Variants in KCTD9 observed in about 807,000 individuals in gnomAD.
The protein encoded by KCTD9 is potassium channel tetramerization domain containing 9, also known as BTB/POZ domain-containing protein KCTD9.
KCTD9 carries 17 observed loss-of-function variants against 53.3 expected under a neutral mutation model. The ratio of observed to expected loss-of-function variants is 0.32; its 90% CI spans 0.22 to 0.48. The LOEUF (loss-of-function observed/expected upper bound fraction) is 0.48. Among genes scored for constraint, KCTD9 ranks in the 20% least tolerant of loss-of-function variants. The pLI is 0.99. For synonymous variants in KCTD9, 128 were observed against 162.7 expected (o/e 0.79, Z 1.62); for missense variants, 179 against 465.5 (o/e 0.38, Z 5.66).
chr8:25,456,214 G>A (rs761385696), intron 1 of KCTD9, among the ~76,000 whole-genome samples: 1 of 152,188 alleles, frequency 6.6e-6, no homozygotes, highest in Non-Finnish European at 1.5e-5. Flanking sequence ...TTATAACCAG[G>A]AAACAAAAGC....
chr8:25,433,322 G>A lies in KCTD9; in HGVS notation c.919+8C>T, dbSNP rs2117389094. On this transcript the variant is annotated splice_region_variant and intron_variant, in intron 10 of 11. Coordinates refer to ENST00000221200, the MANE Select transcript of KCTD9 (RefSeq NM_017634.4). ...TCGTAGAATAGGTATTTACAGAAAG[G>A]ATCTCACCTTCTAAATTGGCTTTAA... 1 of 1,488,578 alleles carries A rather than the reference G, an allele frequency of 6.7e-7. No individual in the cohort carries two copies. Among genetic ancestry groups the A allele is most frequent in the East Asian group, 2.3e-5 (1 of 44,086 alleles). 92.2% of individuals were successfully genotyped at this position (1,488,578 alleles called of 1,614,324 possible).
At chr8:25,452,286 T>C (rs866502071) in intron 1 of KCTD9, among the ~76,000 whole-genome samples, 1 of 152,152 alleles carries the variant, frequency 6.6e-6, no homozygotes, top group Non-Finnish European at 1.5e-5. Flanking sequence ...ACTGGTAATA[T>C]CAAGTGTTGG....
intron 5 of KCTD9, 66 bp downstream of exon 5, chr8:25,439,538 GGA>G: frequency 6.3e-7 from 1 of 1,587,960 alleles, no homozygotes; most frequent in Non-Finnish European, 8.6e-7. Context: ...CAGAAGGTCA[GGA>G]GTTATAAAGT....
intron 3 of KCTD9, among the ~76,000 whole-genome samples, chr8:25,442,769 A>C (rs1253077333): frequency 2.0e-5 from 3 of 152,212 alleles, no homozygotes; most frequent in Non-Finnish European, 4.4e-5. Context: ...TTTTTAAGTA[A>C]GGGGAGAAGG....
intron 3 of KCTD9, 143 bp downstream of exon 3, chr8:25,444,149 G>A (rs1802172174): frequency 9.5e-6 from 7 of 734,756 alleles, no homozygotes; most frequent in Non-Finnish European, 1.6e-5. Flanking sequence ...CATACCCAAT[G>A]CAGAATCAAA....
rs555529365 is a variant in KCTD9, at chr8:25,456,074, C to T, written c.48+2125G>A. ...CAATACACAGACAATTCCTGGCGAG[C>T]ATATAACACAGCACCTTGGAAGAAT... On this transcript the variant is annotated intron_variant, in intron 1 of 11. Coordinates refer to ENST00000221200, the MANE Select transcript of KCTD9 (RefSeq NM_017634.4). 2.0e-5 allele frequency among the ~76,000 whole-genome samples: 3 copies of T among 152,286 alleles called. No individual in the cohort carries two copies. In the East Asian group the frequency reaches 5.8e-4, roughly 29 times the overall value.
intron 4 of KCTD9, among the ~76,000 whole-genome samples, chr8:25,440,365 T>C (rs1383069136): frequency 2.6e-5 from 4 of 152,210 alleles, no homozygotes; most frequent in Admixed American, 6.5e-5. Flanking sequence ...GCCAAAAGCA[T>C]GTTCTAAAAC....
At chr8:25,451,305 C>T (rs976995383) in intron 1 of KCTD9, among the ~76,000 whole-genome samples, 1 of 152,160 alleles carries the variant, frequency 6.6e-6, no homozygotes, top group African/African-American at 2.4e-5. Flanking sequence ...TGCAAACAGA[C>T]TGGCACATGC....
At chr8:25,445,097 G>A (rs903485379) in intron 2 of KCTD9, among the ~76,000 whole-genome samples, 1 of 152,118 alleles carries the variant, frequency 6.6e-6, no homozygotes, top group African/African-American at 2.4e-5. Flanking sequence ...GTTTTCCTTA[G>A]AAACTGAAAG....
chr8:25,436,915 C>T (rs1802027921), intron 6 of KCTD9, among the ~76,000 whole-genome samples: 1 of 152,054 alleles, frequency 6.6e-6, no homozygotes, highest in Non-Finnish European at 1.5e-5. Flanking sequence ...ATGAGAAGAC[C>T]TCAATCAGTT....
At chr8:25,433,703 G>A (rs369161280) in intron 9 of KCTD9, among the ~76,000 whole-genome samples, 6 of 152,136 alleles carry the variant, frequency 3.9e-5, no homozygotes, top group Middle Eastern at 3.4e-3. Flanking sequence ...GAAACATAAC[G>A]GTTTAGATAA....
chr8:25,454,526 T>C (rs1038048079), intron 1 of KCTD9, among the ~76,000 whole-genome samples: 2 of 152,216 alleles, frequency 1.3e-5, no homozygotes, highest in Admixed American at 1.3e-4. Flanking sequence ...CCATTTCAAT[T>C]TCCTTAATGC....
intron 1 of KCTD9, among the ~76,000 whole-genome samples, chr8:25,454,628 C>T (rs1386189983): frequency 2.6e-5 from 4 of 152,080 alleles, no homozygotes; most frequent in Admixed American, 6.5e-5. Flanking sequence ...CTGACTCTTT[C>T]GGAGCAGTTT....
rs1802209441 is a variant in KCTD9 at position 25,446,077 on chromosome 8, C to T, written c.170+52G>A. The T allele has an allele frequency of 4.4e-6, 7 of 1,597,008 alleles. No homozygotes were observed. The East Asian group carries it at 1.3e-4, about 31-fold the overall frequency. ...TTACTGCTTAAGGGAAACAGCATAG[C>T]ACCAAGAAGTTGAGGCACACTGTTG... On this transcript the variant is annotated intron_variant, in intron 2 of 11. Coordinates refer to ENST00000221200, the MANE Select transcript of KCTD9 (RefSeq NM_017634.4).
At chr8:25,433,118 G>A (rs1457107844) in intron 10 of KCTD9, among the ~76,000 whole-genome samples, 3 of 152,076 alleles carry the variant, frequency 2.0e-5, no homozygotes, top group South Asian at 4.2e-4. Flanking sequence ...AATATTTGAG[G>A]TTTTATTTTT....
At chr8:25,430,489 ACTC>A (rs1801906689) in intron 11 of KCTD9, among the ~76,000 whole-genome samples, 1 of 151,968 alleles carries the variant, frequency 6.6e-6, no homozygotes, top group African/African-American at 2.4e-5. Context: ...TAGGTGGGGT[ACTC>A]CTCATGAGAA....
At chr8:25,449,475 T>C (rs11781868) in intron 1 of KCTD9, among the ~76,000 whole-genome samples, 51,774 of 152,006 alleles carry the variant, frequency 0.34, 9,100 homozygotes, top group African/African-American at 0.42. Flanking sequence ...ATACTTAATG[T>C]AATATTATAG....
At position 25,446,193 on chromosome 8, in the gene KCTD9, C is replaced by T; in HGVS notation, c.106G>A (p.Gly36Ser). The T allele has an allele frequency of 5.6e-6, 9 of 1,613,860 alleles. No individual in the cohort carries two copies. Among genetic ancestry groups the T allele is most frequent in the South Asian group, 1.1e-5 (1 of 91,052 alleles). The change falls in exon 2 of 12, where the codon GGC becomes AGC. Residue 36 changes from glycine (G) to serine (S), a missense_variant. Physicochemically the swap from Gly to Ser is moderately conservative, Grantham distance 56. This residue lies in a region of KCTD9 where 115 missense variants were observed against 250.9 expected (regional missense o/e 0.46). Coordinates refer to ENST00000221200, the MANE Select transcript of KCTD9 (RefSeq NM_017634.4). ...TTATACACACTGGTGGCTTTTATGC[C>T]GAGTTTACTGCTGGCCACAGAAAGC... is the stretch of plus-strand genomic sequence containing the variant. ...DLLSVASSKL[G>S]IKATSVYNGK...
chr8:25,447,177 T>TA, intron 1 of KCTD9, among the ~76,000 whole-genome samples: 1 of 152,230 alleles, frequency 6.6e-6, no homozygotes, highest in South Asian at 2.1e-4. Context: ...GCAGAGCACT[T>TA]AAGGCCTGGA....
Sources: gnomAD v4.1 joint callset for allele counts (sites outside exome capture counted in the v4.1 genomes callset) on GRCh38, gnomAD v4.1.1 for gene constraint, gnomAD v4.1.1 regional missense constraint, MANE v1.5 for transcripts, NCBI Gene and HGNC (gene_info 2026-07-23, HGNC 2026-07-21) for gene names.